ANK3: variants seen among roughly 807,000 people sequenced by gnomAD.
The protein encoded by ANK3 is ankyrin 3.
A neutral mutation model predicts 370.9 loss-of-function variants in ANK3; 57 were observed. That is an observed-to-expected ratio of 0.15 (90% confidence interval 0.12 to 0.19). The LOEUF is 0.19. Ranked by LOEUF, ANK3 falls within the 10% of genes least tolerant of loss-of-function variation. ANK3 has a pLI of 1.00. For missense variants in ANK3, 4,439 were observed against 5,302.1 expected (o/e 0.84, Z 5.06); for synonymous variants, 1,929 against 1,946.3 (o/e 0.99, Z 0.23).
At chr10:60,199,657 A>C (rs1468254611) in intron 13 of ANK3, among the ~76,000 whole-genome samples, 3 of 152,100 alleles carry the variant, frequency 2.0e-5, no homozygotes, top group Non-Finnish European at 4.4e-5. Flanking sequence ...TGCAGGTGAA[A>C]TACGAGGCCA....
chr10:60,238,465 G>T (rs2132549606), intron 7 of ANK3, among the ~76,000 whole-genome samples: 1 of 152,246 alleles, frequency 6.6e-6, no homozygotes, highest in East Asian at 1.9e-4. Flanking sequence ...GGAATGTGGA[G>T]AAAGACACAG....
intron 2 of ANK3, among the ~76,000 whole-genome samples, chr10:60,399,056 T>C (rs1424919724): frequency 6.6e-6 from 1 of 152,230 alleles, no homozygotes; most frequent in Non-Finnish European, 1.5e-5. Context: ...TAAATATTTA[T>C]GGGGTATCGC....
intron 2 of ANK3, among the ~76,000 whole-genome samples, chr10:60,400,050 G>A (rs2063324263): frequency 7.4e-6 from 1 of 135,166 alleles, no homozygotes; most frequent in African/African-American, 2.6e-5. Flanking sequence ...GTGTGTGTGT[G>A]TGTGCAGCCA....
chr10:60,163,770 T>TTCCC (rs1565404513), intron 23 of ANK3, among the ~76,000 whole-genome samples: 3 of 152,204 alleles, frequency 2.0e-5, no homozygotes, highest in Non-Finnish European at 4.4e-5. Flanking sequence ...AGATTAAAAT[T>TTCCC]TTATTTTCCC....
intron 1 of ANK3, among the ~76,000 whole-genome samples, chr10:60,625,159 C>T (rs762567768): frequency 1.9e-4 from 29 of 152,080 alleles, no homozygotes; most frequent in Non-Finnish European, 2.8e-4. Flanking sequence ...GTCCAAGCTA[C>T]TCTGCCAAGA....
At chr10:60,721,518 A>T (rs770087091) in intron 1 of ANK3, among the ~76,000 whole-genome samples, 4 of 152,248 alleles carry the variant, frequency 2.6e-5, no homozygotes, top group Non-Finnish European at 5.9e-5. Flanking sequence ...ATGGGTAATC[A>T]TAAAAGGTTT....
At chr10:60,110,463 A>T (rs2092622134) in intron 26 of ANK3, among the ~76,000 whole-genome samples, 1 of 152,184 alleles carries the variant, frequency 6.6e-6, no homozygotes, top group Non-Finnish European at 1.5e-5. Context: ...CGATTTTGGG[A>T]GATTGGGACC....
chr10:60,635,507 C>A (rs1008833960), intron 1 of ANK3, among the ~76,000 whole-genome samples: 1 of 152,096 alleles, frequency 6.6e-6, no homozygotes, highest in Non-Finnish European at 1.5e-5. Flanking sequence ...TTTCTGAACA[C>A]CTTATCAGTT....
At chr10:60,400,856 T>G (rs2063339227) in intron 2 of ANK3, among the ~76,000 whole-genome samples, 2 of 152,130 alleles carry the variant, frequency 1.3e-5, no homozygotes. Context: ...CTTAATGCTC[T>G]CCCTCTCCCC....
chr10:60,234,793 A>G lies in ANK3; in HGVS notation c.799-7T>C. On this transcript the variant is annotated splice_polypyrimidine_tract_variant and splice_region_variant and intron_variant, in intron 7 of 43. Coordinates refer to ENST00000280772, the MANE Select transcript of ANK3 (RefSeq NM_020987.5). Reference sequence around the variant, plus strand: ...GTAAAGGAGTGATGTCATTCTGGGAAGAAGAGGAAAAAGTACAGATTTGAT... The same window carrying G: ...GTAAAGGAGTGATGTCATTCTGGGAGGAAGAGGAAAAAGTACAGATTTGAT... 1 of 1,587,620 alleles carries G rather than the reference A, an allele frequency of 6.3e-7. No individual in the cohort carries two copies. Among genetic ancestry groups the G allele is most frequent in the Non-Finnish European group, 8.6e-7 (1 of 1,156,514 alleles).
rs746695992 is a variant in ANK3, at chr10:60,076,454, T to C, written c.4433-6A>G. On this transcript the variant is annotated splice_region_variant and splice_polypyrimidine_tract_variant and intron_variant, in intron 36 of 43. Coordinates refer to ENST00000280772, the MANE Select transcript of ANK3 (RefSeq NM_020987.5). Reference sequence around the variant, plus strand: ...TGCTCCTGTACTCCGTTCAACTGTTTCTTAAATTTTAAAATGAAATCAAAC... The same window carrying C: ...TGCTCCTGTACTCCGTTCAACTGTTCCTTAAATTTTAAAATGAAATCAAAC... The C allele has an allele frequency of 1.6e-5, 24 of 1,548,020 alleles. No individual in the cohort carries two copies. The highest frequency in any genetic ancestry group is 2.0e-5 in the Non-Finnish European group (23 of 1,148,502).
intron 2 of ANK3, among the ~76,000 whole-genome samples, chr10:60,524,887 A>G (rs1235915484): frequency 2.0e-5 from 3 of 152,078 alleles, no homozygotes; most frequent in African/African-American, 4.8e-5. Flanking sequence ...CACTTGATGA[A>G]CTGGACCCAT....
At chr10:60,299,912 T>A (rs1432006728) in intron 1 of ANK3, among the ~76,000 whole-genome samples, 1 of 152,202 alleles carries the variant, frequency 6.6e-6, no homozygotes, top group Non-Finnish European at 1.5e-5. Flanking sequence ...ATATTGCCCC[T>A]TGTAATTAAT....
intron 2 of ANK3, among the ~76,000 whole-genome samples, chr10:60,457,734 G>T (rs775117603): frequency 6.6e-6 from 1 of 152,058 alleles, no homozygotes; most frequent in African/African-American, 2.4e-5. Context: ...GAATATTCTC[G>T]AAGATTCTAG....
Position 60,264,001 on chromosome 10 carries a change from G to A in ANK3, c.533C>T (p.Ala178Val). ...GTCGTGACCTTGTTGCAAAGCCACT[G>A]CCAATGGTGTGAAGCCATCCTGCAA... ...LATEDGFTPL[A>V]VALQQGHDQV... Residue 178 changes from alanine (A) to valine (V), a missense_variant, in exon 6 of 44, where the codon GCA (alanine) becomes GTA (valine). Around this residue, in one of 13 missense-constraint regions of ANK3, gnomAD observed 136 missense variants for 230.5 expected, o/e 0.59. Coordinates refer to ENST00000280772, the MANE Select transcript of ANK3 (RefSeq NM_020987.5). 1 of 1,614,108 alleles carries A rather than the reference G, an allele frequency of 6.2e-7. No homozygotes were observed. Among genetic ancestry groups the A allele is most frequent in the Non-Finnish European group, 8.5e-7 (1 of 1,179,984 alleles).
chr10:60,356,893 G>C (rs949081462), intron 1 of ANK3, among the ~76,000 whole-genome samples: 1 of 152,134 alleles, frequency 6.6e-6, no homozygotes, highest in Non-Finnish European at 1.5e-5. Context: ...ATTTTTAGTA[G>C]AGATGGGGTT....
At chr10:60,121,743 A>T (rs181178077) in intron 25 of ANK3, among the ~76,000 whole-genome samples, 1 of 152,204 alleles carries the variant, frequency 6.6e-6, no homozygotes, top group East Asian at 1.9e-4. Context: ...CAACAGAGTG[A>T]CTACAGTCAA....
chr10:60,172,912 A>G lies in ANK3; in HGVS notation c.2370T>C (p.Asn790=). 6.2e-7 allele frequency: 1 copy of G among 1,613,500 alleles called. No individual in the cohort carries two copies. Among genetic ancestry groups the G allele is most frequent in the South Asian group, 1.1e-5 (1 of 91,048 alleles). ...CCTGAGCGCTTACCACAGTGAGTTC[A>G]TTGGGGGAGGCGTTGTTCTGAAGTA... ...NVLLQNNASP[N]ELTVNGNTAL... Residue 790 remains asparagine, a synonymous_variant, in exon 20 of 44, where the codon AAT becomes AAC. Transcript: ENST00000280772.
chr10:60,265,189 A>C (rs1490238920), intron 5 of ANK3, among the ~76,000 whole-genome samples: 2 of 152,144 alleles, frequency 1.3e-5, no homozygotes, highest in African/African-American at 2.4e-5. Flanking sequence ...TTGTGCAATA[A>C]ATTTCAAAAA....
Sources: gnomAD v4.1 joint callset for allele counts (sites outside exome capture counted in the v4.1 genomes callset) on GRCh38, gnomAD v4.1.1 for gene constraint, gnomAD v4.1.1 regional missense constraint, MANE v1.5 for transcripts, NCBI Gene and HGNC (gene_info 2026-07-23, HGNC 2026-07-21) for gene names.